The following CAMTA1 variants were observed in gnomAD, a reference collection of about 807,000 sequenced individuals.
The protein encoded by CAMTA1 is calmodulin-binding transcription activator 1.
In CAMTA1, 27 loss-of-function variants were observed where a neutral mutation model predicts 170.9. That is an observed-to-expected ratio of 0.16 (90% CI 0.12 to 0.22). CAMTA1 has a LOEUF of 0.22. Ranked by LOEUF, CAMTA1 falls within the 10% of genes least tolerant of loss-of-function variation. The pLI, the probability that CAMTA1 is intolerant of heterozygous loss-of-function variation, is 1.00. For synonymous variants in CAMTA1, 833 were observed against 891.5 expected (o/e 0.93, Z 1.17); for missense variants, 1,619 against 2,217.2 (o/e 0.73, Z 5.42).
intron 5 of CAMTA1, among the ~76,000 whole-genome samples, chr1:7,465,648 G>A (rs189718690): frequency 3.2e-4 from 48 of 152,264 alleles, no homozygotes; most frequent in Admixed American, 2.0e-3. Flanking sequence ...TTTGTTTATC[G>A]GATGGTTCTG....
rs1258891163 is a variant in CAMTA1 at position 7,146,897 on chromosome 1, GCATACA to G, written c.302+55536_302+55541del. Among the ~76,000 whole-genome samples, 4 of 151,528 alleles carry G rather than the reference GCATACA, an allele frequency of 2.6e-5. No individual in the cohort carries two copies. Among genetic ancestry groups the G allele is most frequent in the African/African-American group, 9.7e-5 (4 of 41,222 alleles). The stretch of plus-strand genomic sequence containing the variant: ...ACACAGACACTCAAACATATGCCGT[GCATACA>G]CATACACATCACACACTCAAATATA... On this transcript the variant is annotated intron_variant, in intron 4 of 22. Coordinates refer to ENST00000303635, the MANE Select transcript of CAMTA1 (RefSeq NM_015215.4). The surrounding 1 kb of genome is among the most constrained non-coding windows in gnomAD (Gnocchi z 4.3).
At position 7,288,321 on chromosome 1, in the gene CAMTA1, A is replaced by C. The variant is rs551632449; in HGVS notation, c.438+38695A>C. On this transcript the variant is annotated intron_variant, in intron 5 of 22. Coordinates refer to ENST00000303635, the MANE Select transcript of CAMTA1 (RefSeq NM_015215.4). ...CAGGAAGGGGTTGCTTTTTGTCTCC[A>C]GAGCACTTTATCTCTATTTTACTTT... Among the ~76,000 whole-genome samples, 5 of 152,344 alleles carry C rather than the reference A, an allele frequency of 3.3e-5. No homozygotes were observed. The East Asian group carries it at 9.6e-4, about 29-fold the overall frequency.
chr1:7,612,822 T>G (rs2095532843), intron 6 of CAMTA1, among the ~76,000 whole-genome samples: 1 of 152,062 alleles, frequency 6.6e-6, no homozygotes, highest in African/African-American at 2.4e-5. Flanking sequence ...CCTTTGCAGG[T>G]TAAGAGGGCA....
intron 5 of CAMTA1, among the ~76,000 whole-genome samples, chr1:7,256,200 C>T (rs1667336933): frequency 6.6e-6 from 1 of 152,174 alleles, no homozygotes; most frequent in African/African-American, 2.4e-5. Context: ...CATGTTTCTA[C>T]CCAATTCATA....
At chr1:7,030,128 G>A (rs1480699258) in intron 3 of CAMTA1, among the ~76,000 whole-genome samples, 2 of 152,208 alleles carry the variant, frequency 1.3e-5, no homozygotes, top group African/African-American at 4.8e-5. Context: ...AACCCTACAA[G>A]CGGTACTTTC....
intron 5 of CAMTA1, among the ~76,000 whole-genome samples, chr1:7,292,134 T>C (rs942076778): frequency 2.0e-5 from 3 of 152,184 alleles, no homozygotes; most frequent in African/African-American, 7.2e-5. Flanking sequence ...TAAGGACTGG[T>C]GGCCAGAAAT....
intron 4 of CAMTA1, among the ~76,000 whole-genome samples, chr1:7,100,101 G>T (rs1642546320): frequency 6.6e-6 from 1 of 152,102 alleles, no homozygotes; most frequent in Non-Finnish European, 1.5e-5. Context: ...GGCACCTACT[G>T]CTTCCAATTC....
chr1:7,390,482 G>A (rs2088575386), intron 5 of CAMTA1, among the ~76,000 whole-genome samples: 1 of 152,180 alleles, frequency 6.6e-6, no homozygotes, highest in African/African-American at 2.4e-5. Context: ...CCAGTGCACG[G>A]CCCAGGATTG....
At chr1:6,890,289 T>G (rs1674227434) in intron 3 of CAMTA1, among the ~76,000 whole-genome samples, 1 of 152,230 alleles carries the variant, frequency 6.6e-6, no homozygotes, top group African/African-American at 2.4e-5. Flanking sequence ...TGAGGGAATT[T>G]CCAGGTGGAC....
Position 7,716,561 on chromosome 1 carries a change from C to G in CAMTA1, c.2915-15887C>G, listed in dbSNP as rs1201806212. Among the ~76,000 whole-genome samples, 5 of 152,142 alleles carry G rather than the reference C, an allele frequency of 3.3e-5. No homozygotes were observed. In the East Asian group the frequency reaches 9.6e-4, roughly 29 times the overall value. On this transcript the variant is annotated intron_variant, in intron 11 of 22. Coordinates refer to ENST00000303635, the MANE Select transcript of CAMTA1 (RefSeq NM_015215.4). ...TGTGAGTTCTGGAACAGAAGTCTCT[C>G]ATGTAGAATCCAGTATTCAGAAAAA...
At chr1:7,424,675 C>T (rs1363788376) in intron 5 of CAMTA1, among the ~76,000 whole-genome samples, 1 of 152,134 alleles carries the variant, frequency 6.6e-6, no homozygotes, top group East Asian at 1.9e-4. Context: ...TCTCTGGCTA[C>T]AGTTGAGTCA....
In CAMTA1 at chr1:7,562,477, T is replaced by G. The variant is rs972080562; in HGVS notation, c.511-77923T>G. Reference sequence around the variant, plus strand: ...GGCTCTCCGCATTCTTCCCCCAGGCTGGCAGACGGCTCTGCCCACTCCCGC... The same window carrying G: ...GGCTCTCCGCATTCTTCCCCCAGGCGGGCAGACGGCTCTGCCCACTCCCGC... On this transcript the variant is annotated intron_variant, in intron 6 of 22. Coordinates refer to ENST00000303635, the MANE Select transcript of CAMTA1 (RefSeq NM_015215.4). The surrounding 1 kb of genome is among the most constrained non-coding windows in gnomAD (Gnocchi z 4.8). Among the ~76,000 whole-genome samples the G allele has an allele frequency of 3.3e-5, 5 of 152,144 alleles. No individual in the cohort carries two copies. The highest frequency in any genetic ancestry group is 1.2e-4 in the African/African-American group (5 of 41,442).
chr1:7,028,614 A>C (rs538058740), intron 3 of CAMTA1, among the ~76,000 whole-genome samples: 21 of 152,154 alleles, frequency 1.4e-4, no homozygotes, highest in Non-Finnish European at 1.8e-4. Context: ...CTTGGCTGCC[A>C]TGCCCCACTC....
chr1:7,605,007 C>T (rs2095474363), intron 6 of CAMTA1, among the ~76,000 whole-genome samples: 1 of 152,178 alleles, frequency 6.6e-6, no homozygotes, highest in Admixed American at 6.5e-5. Flanking sequence ...TATTGGTGAA[C>T]AGCAAATGTT....
chr1:7,566,526 G>T (rs750635860), intron 6 of CAMTA1, among the ~76,000 whole-genome samples: 1 of 152,034 alleles, frequency 6.6e-6, no homozygotes, highest in Non-Finnish European at 1.5e-5. Flanking sequence ...CCCTCCCGTG[G>T]TTGTTGATGA....
intron 5 of CAMTA1, among the ~76,000 whole-genome samples, chr1:7,373,935 A>G (rs2086662008): frequency 6.6e-6 from 1 of 152,216 alleles, no homozygotes; most frequent in African/African-American, 2.4e-5. Flanking sequence ...TGGGTAATAA[A>G]GAATGCTCCC....
At chr1:6,789,804 C>CTTTTTT (rs34542033) in intron 1 of CAMTA1, among the ~76,000 whole-genome samples, 14 of 85,672 alleles carry the variant, frequency 1.6e-4, no homozygotes, top group Non-Finnish European at 2.6e-4. Context: ...TTTAGTGTAT[C>CTTTTTT]TTTTTTTTTT....
chr1:6,939,897 C>T (rs530302693), intron 3 of CAMTA1, among the ~76,000 whole-genome samples: 4 of 152,370 alleles, frequency 2.6e-5, no homozygotes, highest in South Asian at 2.1e-4. Context: ...AGCAACTGGG[C>T]GAGTGCCGGG....
rs991225478 is a variant in CAMTA1, at chr1:6,807,985, C to T, written c.46-12196C>T. Among the ~76,000 whole-genome samples the T allele has an allele frequency of 4.6e-5, 7 of 151,608 alleles. No individual in the cohort carries two copies. In the East Asian group the frequency reaches 9.8e-4, roughly 21 times the overall value. On this transcript the variant is annotated intron_variant, in intron 1 of 22. Coordinates refer to ENST00000303635, the MANE Select transcript of CAMTA1 (RefSeq NM_015215.4). ...CTGGAAGGGAAGATGGAAAGACTTCCGGGAGGAGGTGGAATTTGACCTGAA... is the reference window on the plus strand; with the variant it reads ...CTGGAAGGGAAGATGGAAAGACTTCTGGGAGGAGGTGGAATTTGACCTGAA...
Sources: gnomAD v4.1 joint callset for allele counts (sites outside exome capture counted in the v4.1 genomes callset) on GRCh38, gnomAD v4.1.1 for gene constraint, Gnocchi (gnomAD v3.1) non-coding constraint, MANE v1.5 for transcripts, NCBI Gene and HGNC (gene_info 2026-07-23, HGNC 2026-07-21) for gene names.